Variants in PCNX1 observed in about 807,000 individuals in gnomAD.
PCNX1 encodes the protein pecanex 1.
A neutral mutation model predicts 242.2 loss-of-function variants in PCNX1; 78 were observed. The observed-to-expected ratio is 0.32, with a 90% CI of 0.27 to 0.39. The LOEUF (loss-of-function observed/expected upper bound fraction) is 0.39, where lower values mean the gene tolerates loss of function less well. Ranked by LOEUF, PCNX1 falls within the 10% of genes least tolerant of loss-of-function variation. PCNX1 has a pLI of 1.00. For synonymous variants in PCNX1, 1,024 were observed against 1,032.9 expected (o/e 0.99, Z 0.17); for missense variants, 2,581 against 2,856.5 (o/e 0.90, Z 2.20).
chr14:71,103,783 A>C (rs879033460), intron 32 of PCNX1, 114 bp downstream of exon 32: 1 of 836,802 alleles, frequency 1.2e-6, no homozygotes, highest in Admixed American at 2.5e-5. Context: ...ATGGTACAAT[A>C]TGAACCCATT....
chr14:71,083,929 A>G (rs909648228), intron 28 of PCNX1, among the ~76,000 whole-genome samples: 1 of 152,098 alleles, frequency 6.6e-6, no homozygotes, highest in Non-Finnish European at 1.5e-5. Flanking sequence ...GAGAAAAGGC[A>G]TTCTGGTTTT....
chr14:71,088,810 G>A (rs1197531117), intron 29 of PCNX1, among the ~76,000 whole-genome samples: 3 of 152,126 alleles, frequency 2.0e-5, no homozygotes, highest in Non-Finnish European at 4.4e-5. Context: ...TAATATATTA[G>A]ATTCGGGGAT....
At chr14:70,946,088 A>G (rs1034586950) in intron 1 of PCNX1, among the ~76,000 whole-genome samples, 9 of 152,210 alleles carry the variant, frequency 5.9e-5, no homozygotes, top group Non-Finnish European at 1.2e-4. Context: ...ATGGGCCTTC[A>G]GCCCCACACC....
At chr14:70,913,440 T>C (rs986874223) in intron 1 of PCNX1, among the ~76,000 whole-genome samples, 5 of 152,160 alleles carry the variant, frequency 3.3e-5, no homozygotes, top group Non-Finnish European at 7.4e-5. Flanking sequence ...CTTAAGTCAT[T>C]GAAAGTGCAG....
In PCNX1 at chr14:71,026,793, T is replaced by C; in HGVS notation, c.3377T>C (p.Ile1126Thr). The change falls in exon 15 of 36, where the codon ATA becomes ACA. Residue 1126 changes from isoleucine (I) to threonine (T), a missense_variant. Around this residue, in one of 9 missense-constraint regions of PCNX1, gnomAD observed 432 missense variants for 443.1 expected, o/e 0.97. Transcript: ENST00000304743. Reference protein sequence around the residue: ...LVIVFTLCFPIVFFIGLLPQV... With the variant: ...LVIVFTLCFPTVFFIGLLPQV... Reference sequence around the variant, plus strand: ...ATAGTGTTTACACTCTGTTTCCCAATAGTGTTTTTCATTGGTCTCCTGCCT... The same window carrying C: ...ATAGTGTTTACACTCTGTTTCCCAACAGTGTTTTTCATTGGTCTCCTGCCT... 2 of 1,506,868 alleles carry C rather than the reference T, an allele frequency of 1.3e-6. No individual in the cohort carries two copies. Among genetic ancestry groups the C allele is most frequent in the Non-Finnish European group, 1.8e-6 (2 of 1,084,168 alleles). 93.3% of individuals were successfully genotyped at this position (1,506,868 alleles called of 1,614,324 possible). A position where few individuals can be genotyped will look rare whatever the true frequency, so the allele number is the denominator to read the frequency against.
chr14:71,052,068 T>C (rs943664381), intron 24 of PCNX1, 56 bp downstream of exon 24: 1 of 1,267,656 alleles, frequency 7.9e-7, no homozygotes, highest in Middle Eastern at 2.0e-4. Context: ...TGGGAAAAAC[T>C]ATTGACAGCA....
At chr14:71,010,999 A>C (rs560447470) in intron 9 of PCNX1, among the ~76,000 whole-genome samples, 1 of 152,108 alleles carries the variant, frequency 6.6e-6, no homozygotes, top group Non-Finnish European at 1.5e-5. Flanking sequence ...AGGGATAGAA[A>C]TGCTGTTACC....
chr14:71,011,787 G>T, intron 10 of PCNX1: 1 of 446,194 alleles, frequency 2.2e-6, no homozygotes, highest in East Asian at 4.1e-5. Flanking sequence ...AAGTGTTTTG[G>T]AAAGTATTTG....
At chr14:70,958,442 A>T (rs1015345718) in intron 2 of PCNX1, among the ~76,000 whole-genome samples, 34 of 152,332 alleles carry the variant, frequency 2.2e-4, no homozygotes, top group African/African-American at 7.9e-4. Context: ...TACCCAAAAA[A>T]GTTTAAGGGA....
chr14:71,109,505 G>A lies in PCNX1; in HGVS notation c.6798G>A (p.Glu2266=), dbSNP rs1015807590. ...GGATCAACCTGTCTAAAAGGAAAGA[G>A]CTACAGTGGCCTGATGAAGGAATCC... is the stretch of plus-strand genomic sequence containing the variant. ...LEGINLSKRK[E]LQWPDEGIRL... is the part of the protein sequence containing the mutation. Residue 2266 remains glutamate (E), a synonymous_variant, in exon 35 of 36, where the codon GAG becomes GAA. Coordinates refer to ENST00000304743, the MANE Select transcript of PCNX1 (RefSeq NM_014982.3). 6.2e-7 allele frequency: 1 copy of A among 1,613,714 alleles called. No homozygotes were observed. The highest frequency in any genetic ancestry group is 1.3e-5 in the African/African-American group (1 of 75,036).
intron 2 of PCNX1, among the ~76,000 whole-genome samples, chr14:70,949,717 A>G (rs934276091): frequency 6.6e-6 from 1 of 152,160 alleles, no homozygotes; most frequent in African/African-American, 2.4e-5. Flanking sequence ...GCTCAGTCAC[A>G]TTCTGTAGCA....
At chr14:70,970,294 A>G (rs1398692958) in intron 5 of PCNX1, among the ~76,000 whole-genome samples, 1 of 151,940 alleles carries the variant, frequency 6.6e-6, no homozygotes, top group African/African-American at 2.4e-5. Flanking sequence ...TGATCCCAGG[A>G]GGTTGAGGCA....
At chr14:71,028,946 C>T (rs987206963) in intron 16 of PCNX1, among the ~76,000 whole-genome samples, 155 bp downstream of exon 16, 1 of 152,058 alleles carries the variant, frequency 6.6e-6, no homozygotes, top group Non-Finnish European at 1.5e-5. Flanking sequence ...TTCTCAACTA[C>T]TTTGAATTTG....
Position 71,026,281 on chromosome 14 carries a change from A to C in PCNX1, c.3348A>C (p.Leu1116Phe). The C allele has an allele frequency of 6.3e-7, 1 of 1,583,724 alleles. No homozygotes were observed. Among genetic ancestry groups the C allele is most frequent in the South Asian group, 1.2e-5 (1 of 85,670 alleles). ...TGGTGTTTATATCAGCCAGGGATTT[A>C]GTTATAGGTGAGTCATCTTAAAGTA... Reference protein sequence around the residue: ...NPLVFISARDLVIVFTLCFPI... With the variant: ...NPLVFISARDFVIVFTLCFPI... Residue 1116 changes from leucine to phenylalanine, a missense_variant, in exon 14 of 36, where the codon TTA (leucine) becomes TTC (phenylalanine). Leu to Phe is a conservative substitution (Grantham distance 22). This residue lies in a region of PCNX1 where 432 missense variants were observed against 443.1 expected (regional missense o/e 0.97). Transcript: ENST00000304743.
chr14:71,087,965 T>TAA (rs554645724), intron 28 of PCNX1, among the ~76,000 whole-genome samples: 2 of 146,742 alleles, frequency 1.4e-5, no homozygotes, highest in Non-Finnish European at 3.0e-5. Context: ...AAGTAGTTAA[T>TAA]AAAAAAAAAA....
intron 33 of PCNX1, among the ~76,000 whole-genome samples, chr14:71,107,069 A>T (rs1244835548): frequency 6.6e-6 from 1 of 152,102 alleles, no homozygotes; most frequent in Non-Finnish European, 1.5e-5. Flanking sequence ...CTTTGACATG[A>T]GATCTACAAT....
At chr14:70,914,696 CTCTA>C (rs1348908793) in intron 1 of PCNX1, among the ~76,000 whole-genome samples, 2 of 152,142 alleles carry the variant, frequency 1.3e-5, no homozygotes, top group Non-Finnish European at 2.9e-5. Context: ...AATATTGTGT[CTCTA>C]TCTGTTTTAT....
chr14:71,104,344 T>C (rs2062549898), intron 32 of PCNX1, among the ~76,000 whole-genome samples: 1 of 152,052 alleles, frequency 6.6e-6, no homozygotes, highest in Non-Finnish European at 1.5e-5. Context: ...AAATGTTCAA[T>C]CTCCGCCCAA....
At chr14:71,010,435 G>C (rs1261631488) in intron 9 of PCNX1, among the ~76,000 whole-genome samples, 3 of 151,730 alleles carry the variant, frequency 2.0e-5, no homozygotes, top group African/African-American at 7.3e-5. Context: ...CTTTCATTTT[G>C]TTTAAAATTT....
Sources: gnomAD v4.1 joint callset for allele counts (sites outside exome capture counted in the v4.1 genomes callset) on GRCh38, gnomAD v4.1.1 for gene constraint, gnomAD v4.1.1 regional missense constraint, MANE v1.5 for transcripts, NCBI Gene and HGNC (gene_info 2026-07-23, HGNC 2026-07-21) for gene names.